Variants in SUGP2 observed in about 807,000 individuals in gnomAD.
The protein encoded by SUGP2 is SURP and G-patch domain containing 2, also known as SURP and G-patch domain-containing protein 2.
SUGP2 carries 24 observed loss-of-function variants against 90.5 expected under a neutral mutation model. The ratio of observed to expected loss-of-function variants is 0.27; its 90% CI spans 0.19 to 0.37. The LOEUF (loss-of-function observed/expected upper bound fraction) is 0.37, where lower values mean the gene tolerates loss of function less well. SUGP2 is among the 10% of genes least tolerant of loss of function. The pLI, the probability that SUGP2 is intolerant of heterozygous loss-of-function variation, is 1.00. For missense variants in SUGP2, 1,233 were observed against 1,363.3 expected, an observed-to-expected ratio of 0.90 and a Z score of 1.51; for synonymous variants, 473 against 513.4, an observed-to-expected ratio of 0.92 and a Z score of 1.06.
In SUGP2 at chr19:19,019,118, G is replaced by A. The variant is rs764665379; in HGVS notation, c.1841C>T (p.Pro614Leu). Residue 614 changes from proline (P) to leucine (L), a missense_variant, in exon 4 of 11, where the codon CCT (proline) becomes CTT (leucine). Physicochemically the swap from Pro to Leu is moderately conservative, Grantham distance 98 (BLOSUM62 -3). Transcript: ENST00000452918. ...PKERTLLKED[P>L]AYWFLSDENS... Reference sequence around the variant, plus strand: ...ACATTTAAAGACCTACCAGTAAGCAGGGTCCTCTTTGAGAAGAGTTCTCTC... The same window carrying A: ...ACATTTAAAGACCTACCAGTAAGCAAGGTCCTCTTTGAGAAGAGTTCTCTC... 2 of 1,613,906 alleles carry A rather than the reference G, an allele frequency of 1.2e-6. No individual in the cohort carries two copies. The highest frequency in any genetic ancestry group is 1.1e-5 in the South Asian group (1 of 91,074).
intron 3 of SUGP2, among the ~76,000 whole-genome samples, chr19:19,020,890 T>C (rs1023329097): frequency 6.6e-6 from 1 of 152,060 alleles, no homozygotes; most frequent in African/African-American, 2.4e-5. Flanking sequence ...CCGGGCACAA[T>C]GGCTCATTCC....
chr19:19,007,766 TTTTTTTTTTTG>T (rs927854446), intron 6 of SUGP2, among the ~76,000 whole-genome samples: 2 of 146,880 alleles, frequency 1.4e-5, no homozygotes, highest in African/African-American at 5.1e-5. Context: ...TTTTTTTTTT[TTTTTTTTTTTG>T]GAGATGAAGT....
At chr19:19,026,593 C>T (rs77027197) in intron 2 of SUGP2, among the ~76,000 whole-genome samples, 3,498 of 152,264 alleles carry the variant, frequency 0.023, 130 homozygotes, top group African/African-American at 0.08. Flanking sequence ...GGTTGACAAT[C>T]CCTCTTTTAG....
intron 4 of SUGP2, among the ~76,000 whole-genome samples, chr19:19,014,761 G>C (rs993670062): frequency 5.3e-5 from 8 of 151,022 alleles, no homozygotes; most frequent in Admixed American, 4.0e-4. Context: ...TCATGCCACT[G>C]TGCTCTAGCC....
chr19:19,015,688 A>G (rs931250288), intron 4 of SUGP2, among the ~76,000 whole-genome samples: 2 of 152,134 alleles, frequency 1.3e-5, no homozygotes, highest in African/African-American at 4.8e-5. Flanking sequence ...TATTTTTATT[A>G]GAGACACGGT....
intron 3 of SUGP2, among the ~76,000 whole-genome samples, chr19:19,024,272 G>A (rs1353856125): frequency 2.0e-5 from 3 of 152,012 alleles, no homozygotes; most frequent in Admixed American, 6.6e-5. Flanking sequence ...CACCACACCC[G>A]GCTAGTTTTT....
chr19:19,019,059 G>C (rs748133689), intron 4 of SUGP2, 50 bp downstream of exon 4: 1 of 1,583,598 alleles, frequency 6.3e-7, no homozygotes, highest in South Asian at 1.1e-5. Flanking sequence ...CCCAAATTTT[G>C]CCATATACTC....
At chr19:19,030,914 C>T (rs2059126251) in intron 2 of SUGP2, 37 bp downstream of exon 2, 1 of 1,592,146 alleles carries the variant, frequency 6.3e-7, no homozygotes, top group African/African-American at 1.3e-5. Context: ...TACACCCCTA[C>T]CAAAACAACA....
rs748531989 is a variant in SUGP2 at position 19,004,376 on chromosome 19, G to A, written c.2721C>T (p.Pro907=). Residue 907 remains proline, a synonymous_variant, in exon 7 of 11, where the codon CCC becomes CCT. Coordinates refer to ENST00000452918, the MANE Select transcript of SUGP2 (RefSeq NM_001017392.5). ...CAGACTTGCCCGCCCCTCCAGGAGC[G>A]GGGGCCTCCTCTCCCCCATCCTCAT... ...EDDEDGGEEA[P]APGGAGKSEG... 1.9e-6 allele frequency: 3 copies of A among 1,613,708 alleles called. No homozygotes were observed. The highest frequency in any genetic ancestry group is 2.7e-5 in the African/African-American group (2 of 75,032).
chr19:19,033,101 A>C (rs983293765), intron 1 of SUGP2: 1 of 157,192 alleles, frequency 6.4e-6, no homozygotes, highest in African/African-American at 2.4e-5. Flanking sequence ...ACCGGTTCTA[A>C]AGAGGGCAAG....
At chr19:19,005,942 T>C (rs548805153) in intron 6 of SUGP2, among the ~76,000 whole-genome samples, 1 of 149,200 alleles carries the variant, frequency 6.7e-6, no homozygotes, top group Admixed American at 6.7e-5. Context: ...CAGAAACAAA[T>C]GAATCTGGGC....
rs1425942019 is a variant in SUGP2 at position 19,010,135 on chromosome 19, T to C, written c.2058A>G (p.Gln686=). Reference sequence around the variant, plus strand: ...TCCTCGCCTTCCAGCCCCGGAGCCCTTGAGCACGGAGGAGCCCCCGCCGCT... The same window carrying C: ...TCCTCGCCTTCCAGCCCCGGAGCCCCTGAGCACGGAGGAGCCCCCGCCGCT... ...PWQRRGLLRA[Q]GLRGWKARRA... is the part of the protein sequence containing the mutation. Residue 686 remains glutamine, a synonymous_variant, in exon 5 of 11, where the codon CAA becomes CAG. Coordinates refer to ENST00000452918, the MANE Select transcript of SUGP2 (RefSeq NM_001017392.5). The C allele has an allele frequency of 3.7e-6, 6 of 1,612,494 alleles. No individual in the cohort carries two copies. The highest frequency in any genetic ancestry group is 8.5e-7 in the Non-Finnish European group (1 of 1,179,862).
chr19:19,029,694 C>A (rs984241933), intron 2 of SUGP2, among the ~76,000 whole-genome samples: 3 of 150,964 alleles, frequency 2.0e-5, no homozygotes, highest in African/African-American at 7.3e-5. Flanking sequence ...CCTCCCAGCA[C>A]TCTGGGAGGC....
At chr19:19,018,339 T>C (rs2058578747) in intron 4 of SUGP2, among the ~76,000 whole-genome samples, 1 of 147,284 alleles carries the variant, frequency 6.8e-6, no homozygotes, top group Non-Finnish European at 1.5e-5. Flanking sequence ...CTCTGGCTTG[T>C]TCTTTACTTT....
chr19:19,022,483 A>C (rs2058764103), intron 3 of SUGP2, among the ~76,000 whole-genome samples: 1 of 152,186 alleles, frequency 6.6e-6, no homozygotes. Flanking sequence ...AGGTGAGGTA[A>C]TTTACATTAG....
At chr19:18,997,883 CA>C (rs1158386193) in intron 8 of SUGP2, among the ~76,000 whole-genome samples, 1 of 152,032 alleles carries the variant, frequency 6.6e-6, no homozygotes, top group African/African-American at 2.4e-5. Flanking sequence ...AGGTCCCTCC[CA>C]AAGCACAGGA....
At chr19:19,007,871 T>C (rs1452731870) in intron 6 of SUGP2, among the ~76,000 whole-genome samples, 1 of 150,614 alleles carries the variant, frequency 6.6e-6, no homozygotes, top group Non-Finnish European at 1.5e-5. Flanking sequence ...GCGATTCTCA[T>C]GCCTCAGCCT....
chr19:19,024,167 T>G (rs1349165079), intron 3 of SUGP2, among the ~76,000 whole-genome samples: 1 of 152,172 alleles, frequency 6.6e-6, no homozygotes, highest in Non-Finnish European at 1.5e-5. Flanking sequence ...TGGAGTGCAG[T>G]GGGGTGATCT....
At position 19,009,837 on chromosome 19, in the gene SUGP2, AC is replaced by A; in HGVS notation, c.2338+17del. ...AGGGACTGGGGCCCAGAGGAGGGGG[AC>A]AGGAGTGAGCACCCACTGTCAGCAG... On this transcript the variant is annotated intron_variant, in intron 5 of 10. Coordinates refer to ENST00000452918, the MANE Select transcript of SUGP2 (RefSeq NM_001017392.5). The A allele has an allele frequency of 1.3e-6, 2 of 1,586,608 alleles. No homozygotes were observed. Among genetic ancestry groups the A allele is most frequent in the Non-Finnish European group, 1.7e-6 (2 of 1,165,242 alleles).
Sources: gnomAD v4.1 joint callset for allele counts (sites outside exome capture counted in the v4.1 genomes callset) on GRCh38, gnomAD v4.1.1 for gene constraint, MANE v1.5 for transcripts, NCBI Gene and HGNC (gene_info 2026-07-23, HGNC 2026-07-21) for gene names.